ANKRD12: variants seen among roughly 807,000 people sequenced by gnomAD.
ANKRD12 encodes the protein ankyrin repeat domain-containing protein 12.
A neutral mutation model predicts 183.4 loss-of-function variants in ANKRD12; 85 were observed. The observed-to-expected ratio is 0.46, with a 90% confidence interval of 0.39 to 0.56. ANKRD12 has a LOEUF of 0.56. ANKRD12 is among the 20% of genes least tolerant of loss of function. The pLI is 0.00. For missense variants in ANKRD12, 2,405 were observed against 2,357.1 expected, an observed-to-expected ratio of 1.02 and a Z score of -0.42; for synonymous variants, 914 against 800.2, an observed-to-expected ratio of 1.14 and a Z score of -2.40.
chr18:9,270,603 C>T (rs923795004), intron 10 of ANKRD12, among the ~76,000 whole-genome samples: 8 of 152,046 alleles, frequency 5.3e-5, no homozygotes, highest in African/African-American at 1.9e-4. Context: ...TGTCACACAC[C>T]AGGGCCTGTT....
intron 3 of ANKRD12, among the ~76,000 whole-genome samples, chr18:9,197,053 C>G (rs1219840331): frequency 1.3e-5 from 2 of 151,528 alleles, no homozygotes; most frequent in African/African-American, 2.4e-5. Context: ...GATAGCTGTT[C>G]GAAAAATGGA....
intron 1 of ANKRD12, among the ~76,000 whole-genome samples, chr18:9,159,982 T>C (rs927750606): frequency 4.0e-5 from 6 of 151,792 alleles, no homozygotes; most frequent in Admixed American, 1.3e-4. Flanking sequence ...TTTTAAAATA[T>C]TTGTTACTCT....
intron 4 of ANKRD12, among the ~76,000 whole-genome samples, chr18:9,207,829 A>C (rs574882763): frequency 2.2e-4 from 33 of 152,282 alleles, no homozygotes; most frequent in African/African-American, 7.7e-4. Context: ...ATTTGGTTGC[A>C]CAGAGCACCT....
intron 10 of ANKRD12, among the ~76,000 whole-genome samples, chr18:9,275,054 G>C (rs926072258): frequency 6.6e-6 from 1 of 151,972 alleles, no homozygotes; most frequent in African/African-American, 2.4e-5. Context: ...AGCCAAGTGT[G>C]GTGGTCCACA....
intron 8 of ANKRD12, among the ~76,000 whole-genome samples, chr18:9,225,244 C>T (rs1445377743): frequency 1.1e-5 from 1 of 94,026 alleles, no homozygotes; most frequent in African/African-American, 3.1e-5. Flanking sequence ...GAAGTCGAGG[C>T]GGACAGATCA....
At chr18:9,145,091 A>G (rs2078449676) in intron 1 of ANKRD12, among the ~76,000 whole-genome samples, 2 of 152,284 alleles carry the variant, frequency 1.3e-5, no homozygotes, top group East Asian at 3.9e-4. Flanking sequence ...GTTTTACCAC[A>G]ATGAACAAGT....
At chr18:9,265,254 G>C (rs2039218730) in intron 10 of ANKRD12, among the ~76,000 whole-genome samples, 1 of 152,214 alleles carries the variant, frequency 6.6e-6, no homozygotes, top group South Asian at 2.1e-4. Context: ...AAATGTCCCT[G>C]TCTGACAGCT....
chr18:9,218,761 G>A (rs1020159616), intron 7 of ANKRD12, among the ~76,000 whole-genome samples: 6 of 150,464 alleles, frequency 4.0e-5, no homozygotes, highest in Non-Finnish European at 5.9e-5. Flanking sequence ...CCTCAACCTC[G>A]TGGGCTCAAG....
At chr18:9,275,720 G>C in intron 11 of ANKRD12, 53 bp downstream of exon 11, 1 of 1,431,118 alleles carries the variant, frequency 7.0e-7, no homozygotes, top group Non-Finnish European at 9.3e-7. Flanking sequence ...AATGCAACTT[G>C]GCTATTTTTA....
chr18:9,265,104 G>C (rs1319052053), intron 10 of ANKRD12, among the ~76,000 whole-genome samples: 1 of 152,258 alleles, frequency 6.6e-6, no homozygotes, highest in Non-Finnish European at 1.5e-5. Flanking sequence ...GCCTAGGCTT[G>C]AGTAGGTGAA....
intron 7 of ANKRD12, among the ~76,000 whole-genome samples, chr18:9,221,582 C>A (rs1012092656): frequency 6.6e-6 from 1 of 151,932 alleles, no homozygotes; most frequent in African/African-American, 2.4e-5. Flanking sequence ...TATGATGGAA[C>A]AGGATGAAAA....
Position 9,160,269 on chromosome 18 carries a change from G to A in ANKRD12, c.-51-22113G>A, listed in dbSNP as rs557765308. 2.0e-5 allele frequency among the ~76,000 whole-genome samples: 3 copies of A among 152,208 alleles called. No individual in the cohort carries two copies. The South Asian group carries it at 6.2e-4, about 32-fold the overall frequency. ...TAGCTGGGACCACAGACTGTGCTGA[G>A]GCACCTGGCTAATTAAAAAACAATT... On this transcript the variant is annotated intron_variant, in intron 1 of 12. Coordinates refer to ENST00000262126, the MANE Select transcript of ANKRD12 (RefSeq NM_015208.5).
chr18:9,246,030 A>C (rs973369418), intron 8 of ANKRD12, among the ~76,000 whole-genome samples: 2 of 152,224 alleles, frequency 1.3e-5, no homozygotes, highest in Non-Finnish European at 2.9e-5. Flanking sequence ...TTAGCATTAC[A>C]TAGTGGTATT....
intron 6 of ANKRD12, among the ~76,000 whole-genome samples, chr18:9,213,206 G>A (rs2035904934): frequency 6.6e-6 from 1 of 151,666 alleles, no homozygotes; most frequent in Admixed American, 6.6e-5. Context: ...TTTACATGTA[G>A]CCCTATTATA....
chr18:9,191,444 CTT>C (rs2034450154), intron 2 of ANKRD12, among the ~76,000 whole-genome samples: 1 of 152,092 alleles, frequency 6.6e-6, no homozygotes, highest in Admixed American at 6.5e-5. Context: ...TCCATATACT[CTT>C]TTGCTGTTTT....
chr18:9,261,782 T>A (rs1363306410), intron 9 of ANKRD12, among the ~76,000 whole-genome samples: 1 of 152,190 alleles, frequency 6.6e-6, no homozygotes, highest in Non-Finnish European at 1.5e-5. Context: ...ACATGATTCG[T>A]TTCACTAACT....
Position 9,256,525 on chromosome 18 carries a change from T to G in ANKRD12, c.3258T>G (p.Leu1086=). 6.2e-7 allele frequency: 1 copy of G among 1,607,448 alleles called. No homozygotes were observed. Among genetic ancestry groups the G allele is most frequent in the Non-Finnish European group, 8.5e-7 (1 of 1,178,318 alleles). ...MQTSFERMLS[L]KDLEIEQWHK... is the part of the protein sequence containing the mutation. The stretch of plus-strand genomic sequence containing the variant: ...CAAGTTTTGAACGAATGCTAAGCCT[T>G]AAAGACCTAGAAATAGAACAGTGGC... Residue 1086 remains leucine (L), a synonymous_variant, in exon 9 of 13, where the codon CTT becomes CTG. Coordinates refer to ENST00000262126, the MANE Select transcript of ANKRD12 (RefSeq NM_015208.5).
At chr18:9,226,674 A>G (rs996754964) in intron 8 of ANKRD12, among the ~76,000 whole-genome samples, 21 of 150,690 alleles carry the variant, frequency 1.4e-4, no homozygotes, top group Admixed American at 4.0e-4. Flanking sequence ...AGAGAAATCC[A>G]GCAGCACCTA....
chr18:9,158,627 A>G (rs982102992), intron 1 of ANKRD12, among the ~76,000 whole-genome samples: 2 of 152,228 alleles, frequency 1.3e-5, no homozygotes, highest in Non-Finnish European at 2.9e-5. Context: ...CACTATTAGC[A>G]TTAACCTTGA....
Sources: allele counts gnomAD v4.1 joint callset (sites outside exome capture counted in the v4.1 genomes callset), GRCh38; gene constraint gnomAD v4.1.1; transcripts MANE v1.5; gene names NCBI Gene and HGNC (gene_info 2026-07-23, HGNC 2026-07-21).